PHF11: variants seen among roughly 807,000 people sequenced by gnomAD.
PHF11 encodes the protein BRCA1 C-terminus-associated protein.
PHF11 carries 38 observed loss-of-function variants against 40.5 expected under a neutral mutation model. The ratio of observed to expected loss-of-function variants is 0.94; its 90% CI spans 0.72 to 1.23. The LOEUF (loss-of-function observed/expected upper bound fraction) is 1.23, where lower values mean the gene tolerates loss of function less well. PHF11 is among the 50% of genes most tolerant of loss of function. The pLI, the probability that PHF11 is intolerant of heterozygous loss-of-function variation, is 0.00. For missense variants in PHF11, 369 were observed against 392.4 expected (o/e 0.94, Z 0.50); for synonymous variants, 127 against 138.2 (o/e 0.92, Z 0.57).
At chr13:49,522,158 A>G in intron 6 of PHF11, 51 bp downstream of exon 6, 1 of 892,850 alleles carries the variant, frequency 1.1e-6, no homozygotes, top group Non-Finnish European at 1.8e-6. Flanking sequence ...CAGAGTCCTT[A>G]TTTAAACCAG....
intron 4 of PHF11, among the ~76,000 whole-genome samples, chr13:49,519,562 T>C (rs184162646): frequency 4.9e-4 from 75 of 151,982 alleles, no homozygotes; most frequent in African/African-American, 1.7e-3. Flanking sequence ...TGCTACGAGA[T>C]ACAAAGAATA....
chr13:49,516,168 G>A (rs1046272962), intron 3 of PHF11, among the ~76,000 whole-genome samples: 37 of 152,096 alleles, frequency 2.4e-4, no homozygotes, highest in African/African-American at 8.9e-4. Flanking sequence ...CAGTGACACT[G>A]TCACTTCACC....
At chr13:49,520,806 T>C in intron 4 of PHF11, 88 bp from the exon 5 acceptor site, 2 of 891,266 alleles carry the variant, frequency 2.2e-6, no homozygotes. Context: ...AAAAGTAGGT[T>C]GGTACGTTTT....
At chr13:49,497,012 T>C in intron 1 of PHF11, 1 of 1,197,832 alleles carries the variant, frequency 8.3e-7, no homozygotes, top group Non-Finnish European at 1.1e-6. Context: ...TTTGTATTTT[T>C]AGTAGAGAGG....
In PHF11 at chr13:49,501,010, T is replaced by TG. The variant is rs1189041308; in HGVS notation, c.94+4915_94+4916insG. Among the ~76,000 whole-genome samples the TG allele has an allele frequency of 2.3e-4, 28 of 121,128 alleles. 1 individual carries two copies. In the South Asian group the frequency reaches 6.8e-3, roughly 29 times the overall value. 79.5% of individuals were successfully genotyped at this position (121,128 alleles called of 152,430 possible). ...GAGTCACCAACTTTTGTTTTTTTTT[T>TG]TTTTTGGTTTTTTTTTTTCTGAAAT... On this transcript the variant is annotated intron_variant, in intron 1 of 9. Coordinates refer to ENST00000378319, the MANE Select transcript of PHF11 (RefSeq NM_001040443.3).
chr13:49,524,102 CCTTTT>C lies in PHF11; in HGVS notation c.659_663del (p.Phe220Ter), dbSNP rs777724008. 1.9e-6 allele frequency: 3 copies of C among 1,606,848 alleles called. No individual in the cohort carries two copies. The highest frequency in any genetic ancestry group is 3.3e-4 in the Middle Eastern group (2 of 6,034). On this transcript the variant is annotated frameshift_variant, in exon 8 of 10. Transcript: ENST00000378319. LOFTEE classifies it high-confidence loss of function. ...ATTCTTAGATGCAACTGTGAAAGTT[CCTTTT>C]CTTAAGAAATGCAAGGAAGCAGGAC... is the stretch of plus-strand genomic sequence containing the variant.
At chr13:49,496,830 C>CTTTTTTTTTTTTTTT (rs34505707) in intron 1 of PHF11, among the ~76,000 whole-genome samples, 1 of 88,022 alleles carries the variant, frequency 1.1e-5, no homozygotes, top group Non-Finnish European at 2.1e-5. Context: ...TGGGCTTACC[C>CTTTTTTTTTTTTTTT]TTTTTTTTTT....
chr13:49,498,784 T>G (rs972371088), intron 1 of PHF11, among the ~76,000 whole-genome samples: 1 of 152,218 alleles, frequency 6.6e-6, no homozygotes, highest in Non-Finnish European at 1.5e-5. Context: ...GCAGTCCACC[T>G]TCCACACCGC....
chr13:49,525,238 C>T (rs1021106625), intron 8 of PHF11, among the ~76,000 whole-genome samples: 6 of 152,110 alleles, frequency 3.9e-5, no homozygotes, highest in African/African-American at 1.2e-4. Context: ...AGGTATATAG[C>T]TACTTAGCTT....
rs1188943590 is a variant in PHF11, at chr13:49,496,085, C to T, written c.84C>T (p.Leu28=). Residue 28 remains leucine, a synonymous_variant, in exon 1 of 10, where the codon CTC becomes CTT. Transcript: ENST00000378319. The part of the protein sequence containing the change: ...PEARPAQEAL[L]LPTGVFQVAE... ...CCCGGCCCGCGCAGGAGGCGCTCCTCCTTCCCACCGGTGTGTACCGCGGGG... is the reference window on the plus strand; with the variant it reads ...CCCGGCCCGCGCAGGAGGCGCTCCTTCTTCCCACCGGTGTGTACCGCGGGG... 2 of 1,397,402 alleles carry T rather than the reference C, an allele frequency of 1.4e-6. No individual in the cohort carries two copies. Among genetic ancestry groups the T allele is most frequent in the Non-Finnish European group, 1.9e-6 (2 of 1,074,344 alleles). The allele number at this position is 1,397,402 out of a possible 1,614,324, so 86.6% of individuals were successfully genotyped here.
At chr13:49,520,840 T>C (rs994859010) in intron 4 of PHF11, 54 bp from the exon 5 acceptor site, 42 of 1,262,648 alleles carry the variant, frequency 3.3e-5, no homozygotes, top group Non-Finnish European at 4.3e-5. Context: ...AGACATAATA[T>C]TTGAAACCTG....
At chr13:49,511,124 T>G (rs540097961) in intron 2 of PHF11, among the ~76,000 whole-genome samples, 1 of 152,228 alleles carries the variant, frequency 6.6e-6, no homozygotes. Flanking sequence ...CTATGTTGCA[T>G]GTATCTGTAT....
Position 49,524,123 on chromosome 13 carries a change from G to A in PHF11, c.676G>A (p.Glu226Lys), listed in dbSNP as rs1251946028. 3 of 1,603,886 alleles carry A rather than the reference G, an allele frequency of 1.9e-6. No individual in the cohort carries two copies. The highest frequency in any genetic ancestry group is 8.5e-7 in the Non-Finnish European group (1 of 1,173,542). ...VKVPFLKKCK[E>K]AGLLNYLLEE... The stretch of plus-strand genomic sequence containing the variant: ...AGTTCCTTTTCTTAAGAAATGCAAG[G>A]AAGCAGGACTTCTTAATTACTTACT... Residue 226 changes from glutamate to lysine, a missense_variant, in exon 8 of 10, where the codon GAA becomes AAA. Coordinates refer to ENST00000378319, the MANE Select transcript of PHF11 (RefSeq NM_001040443.3).
chr13:49,517,018 G>C (rs1396699060), intron 3 of PHF11, among the ~76,000 whole-genome samples: 1 of 151,940 alleles, frequency 6.6e-6, no homozygotes, highest in East Asian at 1.9e-4. Flanking sequence ...ATTGTTATCT[G>C]GTTCGAGCTT....
intron 1 of PHF11, among the ~76,000 whole-genome samples, chr13:49,500,906 A>G (rs1958890433): frequency 6.6e-6 from 1 of 151,422 alleles, no homozygotes; most frequent in African/African-American, 2.4e-5. Flanking sequence ...GAAACAAGCA[A>G]TGTTGTACAA....
chr13:49,504,513 GGGCGCCTCTGCC>G, intron 1 of PHF11, among the ~76,000 whole-genome samples: 1 of 53,736 alleles, frequency 1.9e-5, no homozygotes, highest in East Asian at 5.2e-4. Flanking sequence ...GGGAGGTGAG[GGGCGCCTCTGCC>G]TGGCCGCCCC....
intron 1 of PHF11, among the ~76,000 whole-genome samples, chr13:49,499,218 C>T (rs1277173303): frequency 6.6e-6 from 1 of 152,212 alleles, no homozygotes; most frequent in East Asian, 1.9e-4. Flanking sequence ...AAGAAACCAG[C>T]CCAATCTGAA....
chr13:49,508,462 A>G (rs1380027771), intron 2 of PHF11, among the ~76,000 whole-genome samples: 1 of 149,748 alleles, frequency 6.7e-6, no homozygotes, highest in African/African-American at 2.4e-5. Flanking sequence ...GGTCTTTTAT[A>G]AATTTCAAAA....
Position 49,496,108 on chromosome 13 carries a change from G to A in PHF11, c.94+13G>A. 1 of 691,780 alleles carries A rather than the reference G, an allele frequency of 1.4e-6. No individual in the cohort carries two copies. Among genetic ancestry groups the A allele is most frequent in the South Asian group, 3.7e-5 (1 of 27,144 alleles). The allele number at this position is 691,780 out of a possible 1,614,324, so 42.9% of individuals were successfully genotyped here. A position where few individuals can be genotyped will look rare whatever the true frequency, so the allele number is the denominator to read the frequency against. Reference sequence around the variant, plus strand: ...CTCCTTCCCACCGGTGTGTACCGCGGGGGCGGGCGGGCGGGCGGGCGGGGC... The same window carrying A: ...CTCCTTCCCACCGGTGTGTACCGCGAGGGCGGGCGGGCGGGCGGGCGGGGC... On this transcript the variant is annotated intron_variant, in intron 1 of 9. Transcript: ENST00000378319.
Sources: allele counts gnomAD v4.1 joint callset (sites outside exome capture counted in the v4.1 genomes callset), GRCh38; gene constraint gnomAD v4.1.1; transcripts MANE v1.5; gene names NCBI Gene and HGNC (gene_info 2026-07-23, HGNC 2026-07-21).